CACNA2D1: variants seen among roughly 807,000 people sequenced by gnomAD.
CACNA2D1 encodes voltage-dependent calcium channel subunit alpha-2/delta-1.
Under a neutral mutation model 171.5 loss-of-function variants are expected in CACNA2D1, and 53 were observed. That is an observed-to-expected ratio of 0.31 (90% CI 0.25 to 0.39). The LOEUF (loss-of-function observed/expected upper bound fraction) is 0.39, where lower values mean the gene tolerates loss of function less well. CACNA2D1 is among the 10% of genes least tolerant of loss of function. CACNA2D1 has a pLI of 1.00. For missense variants in CACNA2D1, 903 were observed against 1,299.8 expected (o/e 0.69, Z 4.69); for synonymous variants, 442 against 443.1 (o/e 1.00, Z 0.03).
At chr7:81,977,956 C>G (rs144147308) in intron 24 of CACNA2D1, among the ~76,000 whole-genome samples, 7 of 152,096 alleles carry the variant, frequency 4.6e-5, no homozygotes, top group Non-Finnish European at 1.0e-4. Flanking sequence ...CAAAATAAGA[C>G]ATTTATGCGG....
At chr7:82,193,127 G>C (rs1042062137) in intron 3 of CACNA2D1, among the ~76,000 whole-genome samples, 29 of 151,848 alleles carry the variant, frequency 1.9e-4, no homozygotes, top group African/African-American at 7.0e-4. Context: ...TTTATAGTTA[G>C]CTTTGGAATG....
chr7:82,373,450 T>G (rs1001365193), intron 1 of CACNA2D1, among the ~76,000 whole-genome samples: 6 of 152,244 alleles, frequency 3.9e-5, no homozygotes, highest in African/African-American at 1.4e-4. Context: ...TCAACCTTTA[T>G]AATTCATTTT....
intron 3 of CACNA2D1, among the ~76,000 whole-genome samples, chr7:82,231,528 T>C (rs1257221727): frequency 2.0e-5 from 3 of 152,108 alleles, no homozygotes; most frequent in Non-Finnish European, 1.5e-5. Flanking sequence ...ACCAAACACA[T>C]AGCACCATGG....
intron 1 of CACNA2D1, among the ~76,000 whole-genome samples, chr7:82,357,865 A>C (rs183260127): frequency 0.037 from 5,640 of 152,066 alleles, 150 homozygotes; most frequent in Middle Eastern, 0.082. Context: ...GTATAATAAA[A>C]AAAAAAAAAA....
intron 4 of CACNA2D1, among the ~76,000 whole-genome samples, chr7:82,142,279 T>C (rs909067050): frequency 9.9e-5 from 15 of 152,224 alleles, no homozygotes; most frequent in Non-Finnish European, 1.3e-4. Flanking sequence ...GCTAATATAA[T>C]ACTGCTGCTT....
intron 2 of CACNA2D1, among the ~76,000 whole-genome samples, chr7:82,345,234 T>C (rs1426932380): frequency 2.0e-5 from 3 of 152,292 alleles, no homozygotes; most frequent in South Asian, 2.1e-4. Flanking sequence ...ACTACCTTAA[T>C]TGAGAGTGTT....
At chr7:81,970,251 T>C (rs1795131653) in intron 27 of CACNA2D1, among the ~76,000 whole-genome samples, 1 of 151,450 alleles carries the variant, frequency 6.6e-6, no homozygotes, top group Admixed American at 6.6e-5. Flanking sequence ...GGTCAATTAA[T>C]GTTAGTAAGC....
At chr7:82,262,440 G>T (rs944686965) in intron 3 of CACNA2D1, among the ~76,000 whole-genome samples, 1 of 152,072 alleles carries the variant, frequency 6.6e-6, no homozygotes, top group South Asian at 2.1e-4. Flanking sequence ...TTGGTCACTG[G>T]CTCCAGATAA....
At chr7:82,312,186 T>C (rs1814554273) in intron 3 of CACNA2D1, among the ~76,000 whole-genome samples, 1 of 152,184 alleles carries the variant, frequency 6.6e-6, no homozygotes, top group Admixed American at 6.5e-5. Context: ...ATTTTATAAA[T>C]AAATTGGTCT....
chr7:82,210,043 C>G (rs1800402465), intron 3 of CACNA2D1, among the ~76,000 whole-genome samples: 1 of 152,218 alleles, frequency 6.6e-6, no homozygotes, highest in African/African-American at 2.4e-5. Flanking sequence ...CAAATTTTCT[C>G]AACTTAAATA....
chr7:81,991,334 T>G, intron 20 of CACNA2D1, 88 bp from the exon 21 acceptor site: 2 of 749,026 alleles, frequency 2.7e-6, no homozygotes, highest in Non-Finnish European at 4.9e-6. Flanking sequence ...ACTTATAAAT[T>G]TTGTAGTCAT....
intron 3 of CACNA2D1, among the ~76,000 whole-genome samples, chr7:82,298,246 C>A (rs981322685): frequency 1.4e-4 from 22 of 152,200 alleles, no homozygotes; most frequent in African/African-American, 4.1e-4. Flanking sequence ...TCCCATCTAC[C>A]ACCCAGTTCT....
intron 1 of CACNA2D1, among the ~76,000 whole-genome samples, chr7:82,380,284 T>G (rs1477381996): frequency 3.3e-5 from 5 of 152,178 alleles, no homozygotes; most frequent in Admixed American, 6.5e-5. Context: ...GTACAACAAC[T>G]CAAGCCTGTG....
intron 38 of CACNA2D1, among the ~76,000 whole-genome samples, chr7:81,956,131 T>G (rs982230626): frequency 6.6e-6 from 1 of 150,944 alleles, no homozygotes; most frequent in Non-Finnish European, 1.5e-5. Context: ...GGGACCACCA[T>G]GCCCAGCTAA....
chr7:82,386,288 C>T (rs1234984656), intron 1 of CACNA2D1, among the ~76,000 whole-genome samples: 3 of 152,112 alleles, frequency 2.0e-5, no homozygotes, highest in African/African-American at 7.2e-5. Flanking sequence ...CTGCATTCTC[C>T]TATGGACACT....
chr7:82,184,680 CCTT>C (rs1797483083), intron 3 of CACNA2D1, among the ~76,000 whole-genome samples: 1 of 151,994 alleles, frequency 6.6e-6, no homozygotes, highest in South Asian at 2.1e-4. Context: ...GTTCAAGAAG[CCTT>C]CTTCTTTTCC....
At chr7:82,369,601 A>C (rs1247076477) in intron 1 of CACNA2D1, among the ~76,000 whole-genome samples, 1 of 152,100 alleles carries the variant, frequency 6.6e-6, no homozygotes, top group Non-Finnish European at 1.5e-5. Context: ...GACAGAAAAT[A>C]AGCTGATTTC....
intron 3 of CACNA2D1, among the ~76,000 whole-genome samples, chr7:82,265,421 T>TTTTC (rs1195187455): frequency 1.4e-5 from 2 of 147,762 alleles, no homozygotes; most frequent in Non-Finnish European, 3.0e-5. Flanking sequence ...CCTTTCTTTT[T>TTTTC]TTTTTTTTTT....
intron 1 of CACNA2D1, among the ~76,000 whole-genome samples, chr7:82,378,915 C>A (rs1415308130): frequency 6.8e-6 from 1 of 146,948 alleles, no homozygotes; most frequent in Admixed American, 6.9e-5. Context: ...GCTGTTGCTA[C>A]TGTATGTGTG....
Sources: gnomAD v4.1 joint callset for allele counts (sites outside exome capture counted in the v4.1 genomes callset) on GRCh38, gnomAD v4.1.1 for gene constraint, MANE v1.5 for transcripts, NCBI Gene and HGNC (gene_info 2026-07-23, HGNC 2026-07-21) for gene names.